The following ARHGEF38 variants were observed in gnomAD, a reference collection of about 807,000 sequenced individuals.
ARHGEF38 encodes the protein Rho guanine nucleotide exchange factor (GEF) 38.
In ARHGEF38, 79 loss-of-function variants were observed where a neutral mutation model predicts 79.9. The ratio of observed to expected loss-of-function variants is 0.99; its 90% CI spans 0.82 to 1.19. The LOEUF (loss-of-function observed/expected upper bound fraction) is 1.19. Ranked by LOEUF, ARHGEF38 falls within the 50% of genes most tolerant of loss-of-function variation. The pLI is 0.00. For synonymous variants in ARHGEF38, 366 were observed against 328.3 expected, an observed-to-expected ratio of 1.11 and a Z score of -1.24; for missense variants, 962 against 907.2, an observed-to-expected ratio of 1.06 and a Z score of -0.78.
intron 7 of ARHGEF38, among the ~76,000 whole-genome samples, chr4:105,653,811 G>C (rs1730210315): frequency 6.6e-6 from 1 of 152,160 alleles, no homozygotes; most frequent in Admixed American, 6.6e-5. Flanking sequence ...CATCTACTGT[G>C]ACATGGGTGA....
chr4:105,603,977 T>C (rs912976767), intron 2 of ARHGEF38, among the ~76,000 whole-genome samples: 1 of 152,192 alleles, frequency 6.6e-6, no homozygotes, highest in Non-Finnish European at 1.5e-5. Flanking sequence ...GTGTTTGTTT[T>C]TTAACCTTTT....
At chr4:105,593,886 G>A (rs990787886) in intron 2 of ARHGEF38, among the ~76,000 whole-genome samples, 3 of 152,094 alleles carry the variant, frequency 2.0e-5, no homozygotes, top group African/African-American at 2.4e-5. Flanking sequence ...ATTTATGGTC[G>A]TTTATTTGGC....
intron 2 of ARHGEF38, among the ~76,000 whole-genome samples, chr4:105,591,430 A>C (rs1301574357): frequency 6.6e-6 from 1 of 152,034 alleles, no homozygotes; most frequent in Non-Finnish European, 1.5e-5. Context: ...GGGGTTTCAC[A>C]GTGTTAGCCA....
chr4:105,583,946 T>C (rs1169401814), intron 1 of ARHGEF38, among the ~76,000 whole-genome samples: 2 of 152,182 alleles, frequency 1.3e-5, no homozygotes, highest in East Asian at 3.8e-4. Flanking sequence ...TTACTTAGTG[T>C]GTTTCCTTTT....
At chr4:105,641,861 T>A (rs1729631630) in intron 5 of ARHGEF38, among the ~76,000 whole-genome samples, 1 of 152,200 alleles carries the variant, frequency 6.6e-6, no homozygotes, top group Non-Finnish European at 1.5e-5. Context: ...CTGTGTTTAC[T>A]TGACTTTGTA....
intron 2 of ARHGEF38, among the ~76,000 whole-genome samples, chr4:105,606,066 T>G (rs1175976910): frequency 6.6e-6 from 1 of 152,110 alleles, no homozygotes; most frequent in Non-Finnish European, 1.5e-5. Context: ...AAATGTTGTG[T>G]GTGGAACTGT....
chr4:105,602,155 C>T (rs973154875), intron 2 of ARHGEF38, among the ~76,000 whole-genome samples: 16 of 152,196 alleles, frequency 1.1e-4, no homozygotes, highest in African/African-American at 3.1e-4. Context: ...AGGAGAGCAG[C>T]CCAGCAGTGG....
Position 105,654,163 on chromosome 4 carries a change from C to A in ARHGEF38, c.1107C>A (p.His369Gln). 1 of 1,477,848 alleles carries A rather than the reference C, an allele frequency of 6.8e-7. No homozygotes were observed. The allele number at this position is 1,477,848 out of a possible 1,614,324, so 91.5% of individuals were successfully genotyped here. ...CVKNISLCLQ[H>Q]IQDAMPLALQ... ...AGAACATTTCACTCTGTCTTCAACA[C>A]ATACAGGTAGGTGAGACACAACTGT... Residue 369 changes from histidine (H) to glutamine (Q), a missense_variant, in exon 8 of 14, where the codon CAC (histidine) becomes CAA (glutamine). Transcript: ENST00000420470.
At chr4:105,585,788 A>G (rs1313261836) in intron 1 of ARHGEF38, among the ~76,000 whole-genome samples, 3 of 121,540 alleles carry the variant, frequency 2.5e-5, no homozygotes, top group African/African-American at 9.7e-5. Flanking sequence ...CTGAAGTGCA[A>G]TGGCACTATC....
chr4:105,604,613 C>T (rs1468683548), intron 2 of ARHGEF38, among the ~76,000 whole-genome samples: 8 of 152,074 alleles, frequency 5.3e-5, no homozygotes, highest in Non-Finnish European at 8.8e-5. Context: ...GGTGTTAATG[C>T]TAAGTCATCC....
chr4:105,666,467 T>C, intron 11 of ARHGEF38, 147 bp downstream of exon 11: 1 of 976,766 alleles, frequency 1.0e-6, no homozygotes, highest in Non-Finnish European at 1.4e-6. Flanking sequence ...ATTTCTATCC[T>C]ATATACCATA....
chr4:105,682,098 A>AT (rs1442921600), downstream of ARHGEF38, among the ~76,000 whole-genome samples: 1 of 152,210 alleles, frequency 6.6e-6, no homozygotes, highest in Non-Finnish European at 1.5e-5. Flanking sequence ...GAGAAAAAAT[A>AT]TTGTATTAAG....
chr4:105,558,540 G>T (rs1402507576), intron 1 of ARHGEF38, among the ~76,000 whole-genome samples: 2 of 152,146 alleles, frequency 1.3e-5, no homozygotes, highest in African/African-American at 4.8e-5. Context: ...TTTCTAAAAG[G>T]CAAGACGCTT....
intron 9 of ARHGEF38, among the ~76,000 whole-genome samples, chr4:105,656,393 A>G (rs1328627004): frequency 6.6e-6 from 1 of 152,196 alleles, no homozygotes; most frequent in East Asian, 1.9e-4. Context: ...AACATGCTAT[A>G]TACTGGAAGG....
chr4:105,588,125 T>C lies in ARHGEF38; in HGVS notation c.197-1123T>C, dbSNP rs544159244. Among the ~76,000 whole-genome samples, 5 of 152,328 alleles carry C rather than the reference T, an allele frequency of 3.3e-5. No homozygotes were observed. In the South Asian group the frequency reaches 1.0e-3, roughly 32 times the overall value. On this transcript the variant is annotated intron_variant, in intron 1 of 13. Coordinates refer to ENST00000420470, the MANE Select transcript of ARHGEF38 (RefSeq NM_001242729.2). ...TATTGTTTCTCCAGTTGTCTTAGCT[T>C]TGTTCCCGGAGTCAGCCAAGAAAAC...
At chr4:105,637,273 C>T (rs1225954043) in intron 5 of ARHGEF38, among the ~76,000 whole-genome samples, 2 of 152,036 alleles carry the variant, frequency 1.3e-5, no homozygotes, top group Non-Finnish European at 2.9e-5. Flanking sequence ...ACAGTGAGAA[C>T]GGAATTCTGG....
intron 4 of ARHGEF38, chr4:105,633,078 G>A (rs147231606): frequency 2.2e-4 from 33 of 152,794 alleles, no homozygotes; most frequent in African/African-American, 7.5e-4. Flanking sequence ...AATTCCCCTG[G>A]CCATGCCCCA....
intron 1 of ARHGEF38, chr4:105,561,495 GAATAGAATAGAATAGAATAGAATA>G (rs1725606841): frequency 7.0e-6 from 1 of 143,356 alleles, no homozygotes; most frequent in Non-Finnish European, 1.5e-5. Context: ...GAATAGAATA[GAATAGAATAGAATAGAATAGAATA>G]GAATAGAATA....
intron 10 of ARHGEF38, among the ~76,000 whole-genome samples, chr4:105,665,356 G>T (rs949930086): frequency 6.6e-6 from 1 of 151,884 alleles, no homozygotes; most frequent in Non-Finnish European, 1.5e-5. Context: ...AATTAGCTGG[G>T]CGTGGTGATG....
Sources: gnomAD v4.1 joint callset for allele counts (sites outside exome capture counted in the v4.1 genomes callset) on GRCh38, gnomAD v4.1.1 for gene constraint, MANE v1.5 for transcripts, NCBI Gene and HGNC (gene_info 2026-07-23, HGNC 2026-07-21) for gene names.